The following WDR26 variants were observed in gnomAD, a reference collection of about 807,000 sequenced individuals.
WDR26 encodes WD repeat-containing protein 26.
WDR26 carries 5 observed loss-of-function variants against 84.1 expected under a neutral mutation model. The observed-to-expected ratio is 0.06, with a 90% confidence interval of 0.03 to 0.13. The LOEUF (loss-of-function observed/expected upper bound fraction) is 0.13, where lower values mean the gene tolerates loss of function less well. Among genes scored for constraint, WDR26 ranks in the 10% least tolerant of loss-of-function variants. The pLI, the probability that WDR26 is intolerant of heterozygous loss-of-function variation, is 1.00. For missense variants in WDR26, 642 were observed against 974.9 expected, an observed-to-expected ratio of 0.66 and a Z score of 4.55; for synonymous variants, 415 against 389.6, an observed-to-expected ratio of 1.07 and a Z score of -0.77.
chr1:224,422,379 T>C (rs1262780718), intron 4 of WDR26, among the ~76,000 whole-genome samples: 1 of 152,228 alleles, frequency 6.6e-6, no homozygotes, highest in Non-Finnish European at 1.5e-5. Context: ...TTTATGGTTT[T>C]GCTTACTTGT....
At chr1:224,413,209 C>T (rs28482381) in intron 6 of WDR26, 7 of 640,218 alleles carry the variant, frequency 1.1e-5, no homozygotes, top group Non-Finnish European at 1.2e-5. Context: ...CAACAAAAAC[C>T]CCCCCCCCCA....
chr1:224,422,642 A>C (rs1240939731), intron 4 of WDR26, among the ~76,000 whole-genome samples: 3 of 151,864 alleles, frequency 2.0e-5, no homozygotes, highest in Non-Finnish European at 4.4e-5. Flanking sequence ...TGAACCCAGG[A>C]GGCGAAGGCT....
At chr1:224,416,682 G>A (rs761389618) in intron 6 of WDR26, among the ~76,000 whole-genome samples, 19 of 152,218 alleles carry the variant, frequency 1.2e-4, no homozygotes, top group Non-Finnish European at 2.6e-4. Flanking sequence ...TTTCCAAACA[G>A]GAGGGCAAGC....
chr1:224,424,972 T>G (rs1023406445), intron 3 of WDR26, among the ~76,000 whole-genome samples: 8 of 152,232 alleles, frequency 5.3e-5, no homozygotes, highest in Non-Finnish European at 1.0e-4. Context: ...TTGTAGTTCT[T>G]GTATAAAAAT....
At chr1:224,427,417 T>C (rs574605782) in intron 3 of WDR26, among the ~76,000 whole-genome samples, 2 of 152,116 alleles carry the variant, frequency 1.3e-5, no homozygotes, top group Non-Finnish European at 2.9e-5. Context: ...TTCTCCCTTA[T>C]TTTCCCACCA....
At chr1:224,430,070 CTG>C (rs1674341225) in intron 3 of WDR26, 2 of 152,142 alleles carry the variant, frequency 1.3e-5, no homozygotes, top group African/African-American at 4.8e-5. Context: ...GGCCATCTAA[CTG>C]TTTTTATTTT....
chr1:224,406,276 G>T (rs1319315812), intron 7 of WDR26, among the ~76,000 whole-genome samples: 1 of 152,188 alleles, frequency 6.6e-6, no homozygotes, highest in Non-Finnish European at 1.5e-5. Context: ...TCTGGTTTAG[G>T]GGATAGGGAT....
chr1:224,434,043 CCCTCCTCCTCCACCGCCGCCGCCGCCA>C lies in WDR26; in HGVS notation c.336_362del (p.Gly117_Gly125del), dbSNP rs779854217. The C allele has an allele frequency of 1.9e-4, 281 of 1,457,110 alleles. No homozygotes were observed. The highest frequency in any genetic ancestry group is 2.2e-4 in the Non-Finnish European group (243 of 1,109,698). 90.3% of individuals were successfully genotyped at this position (1,457,110 alleles called of 1,614,324 possible). A position where few individuals can be genotyped will look rare whatever the true frequency, so the allele number is the denominator to read the frequency against. ...GGGTCTGTCCCTGGCCCCCGCCGCC[CCCTCCTCCTCCACCGCCGCCGCCGCCA>C]CCTCCTCCTCCTCCTCCTGCCCCAT... On this transcript the variant is annotated inframe_deletion, in exon 1 of 14. Transcript: ENST00000414423.
Position 224,388,505 on chromosome 1 carries a change from T to C in WDR26, c.*1330A>G, listed in dbSNP as rs1388619556. On this transcript the variant is annotated 3_prime_UTR_variant, in exon 14 of 14. Transcript: ENST00000414423. ...TCTCAAAATTAAAAGTGCTTTTCCA[T>C]GAAGGAAACCTTTCCTTAAACTAAA... 3.9e-5 allele frequency: 6 copies of C among 152,472 alleles called. No individual in the cohort carries two copies. Among genetic ancestry groups the C allele is most frequent in the South Asian group, 2.1e-4 (1 of 4,836 alleles). The allele number at this position is 152,472 out of a possible 1,614,324, so 9.4% of individuals were successfully genotyped here.
At chr1:224,410,704 T>C (rs1300586777) in intron 7 of WDR26, among the ~76,000 whole-genome samples, 1 of 148,660 alleles carries the variant, frequency 6.7e-6, no homozygotes, top group East Asian at 1.9e-4. Flanking sequence ...CTTTTTTTTT[T>C]TTTTTTTTTT....
At chr1:224,389,902 G>GGT in intron 13 of WDR26, 42 bp from the exon 14 acceptor site, 16 of 376,238 alleles carry the variant, frequency 4.3e-5, no homozygotes, top group Non-Finnish European at 8.0e-5. Context: ...GCGGGCGGGG[G>GGT]AGGGAAGAGG....
chr1:224,427,515 G>A (rs1186701577), intron 3 of WDR26, among the ~76,000 whole-genome samples: 1 of 152,086 alleles, frequency 6.6e-6, no homozygotes, highest in Non-Finnish European at 1.5e-5. Flanking sequence ...TCTGAGAGAA[G>A]CCAATATAAA....
intron 5 of WDR26, among the ~76,000 whole-genome samples, chr1:224,418,696 G>T (rs1673975117): frequency 6.6e-6 from 1 of 152,124 alleles, no homozygotes; most frequent in South Asian, 2.1e-4. Context: ...ACAACAAAAT[G>T]AAGAAAAAGA....
At chr1:224,413,217 C>CAA in intron 6 of WDR26, 7 of 806,810 alleles carry the variant, frequency 8.7e-6, no homozygotes, top group Non-Finnish European at 1.1e-5. Context: ...ACCCCCCCCC[C>CAA]CAAAAAAAAC....
rs543194934 is a variant in WDR26, at chr1:224,433,956, C to T, written c.450G>A (p.Ala150=). 2 of 1,532,066 alleles carry T rather than the reference C, an allele frequency of 1.3e-6. No individual in the cohort carries two copies. The highest frequency in any genetic ancestry group is 1.2e-5 in the South Asian group (1 of 83,920). 94.9% of individuals were successfully genotyped at this position (1,532,066 alleles called of 1,614,324 possible). Residue 150 remains alanine (A), a synonymous_variant, in exon 1 of 14, where the codon GCG becomes GCA. Coordinates refer to ENST00000414423, the MANE Select transcript of WDR26 (RefSeq NM_001379403.1). ...GCCCATTGGCGTGGGCCAGGTCCCC[C>T]GCGGACGACGACGACGAGGGGGACG... is the stretch of plus-strand genomic sequence containing the variant.
chr1:224,412,357 T>A (rs1673763502), intron 6 of WDR26, among the ~76,000 whole-genome samples: 1 of 152,202 alleles, frequency 6.6e-6, no homozygotes, highest in Non-Finnish European at 1.5e-5. Context: ...CTCAGTCACT[T>A]AGCTATGATT....
At chr1:224,396,222 G>GT (rs1295749190) in intron 12 of WDR26, among the ~76,000 whole-genome samples, 1 of 152,074 alleles carries the variant, frequency 6.6e-6, no homozygotes, top group African/African-American at 2.4e-5. Flanking sequence ...AGTATTCATC[G>GT]TTGTTTCTAA....
intron 7 of WDR26, among the ~76,000 whole-genome samples, chr1:224,410,518 T>C (rs1227789319): frequency 6.6e-6 from 1 of 151,884 alleles, no homozygotes; most frequent in Non-Finnish European, 1.5e-5. Context: ...CTTACAATTT[T>C]AAATCCAGAA....
intron 13 of WDR26, among the ~76,000 whole-genome samples, 180 bp downstream of exon 13, chr1:224,393,648 C>T (rs1673182828): frequency 6.6e-6 from 1 of 152,156 alleles, no homozygotes; most frequent in Non-Finnish European, 1.5e-5. Flanking sequence ...ACAACCACTA[C>T]ATTATTGGCT....
Sources: allele counts gnomAD v4.1 joint callset (sites outside exome capture counted in the v4.1 genomes callset), GRCh38; gene constraint gnomAD v4.1.1; transcripts MANE v1.5; gene names NCBI Gene and HGNC (gene_info 2026-07-23, HGNC 2026-07-21).